The following ARHGEF28 variants were observed in gnomAD, a reference collection of about 807,000 sequenced individuals.
ARHGEF28 encodes 190 kDa guanine nucleotide exchange factor.
In ARHGEF28, 152 loss-of-function variants were observed where a neutral mutation model predicts 206.6. That is an observed-to-expected ratio of 0.74 (90% CI 0.64 to 0.84). The LOEUF (loss-of-function observed/expected upper bound fraction) is 0.84, where lower values mean the gene tolerates loss of function less well. Among genes scored for constraint, ARHGEF28 ranks in the 40% least tolerant of loss-of-function variants. ARHGEF28 has a pLI of 0.00. For synonymous variants in ARHGEF28, 763 were observed against 776.4 expected (o/e 0.98, Z 0.29); for missense variants, 2,028 against 2,073.2 (o/e 0.98, Z 0.42).
intron 1 of ARHGEF28, among the ~76,000 whole-genome samples, chr5:73,683,070 C>G (rs1226957607): frequency 6.6e-6 from 1 of 152,094 alleles, no homozygotes; most frequent in Non-Finnish European, 1.5e-5. Context: ...TCTTTATTAT[C>G]TTTGTGTAAT....
intron 1 of ARHGEF28, among the ~76,000 whole-genome samples, chr5:73,654,612 G>T (rs557380020): frequency 1.3e-5 from 2 of 152,258 alleles, no homozygotes; most frequent in African/African-American, 4.8e-5. Context: ...TAGCAGATGG[G>T]GATTAGAACT....
At chr5:73,809,394 A>G (rs1386699797) in intron 9 of ARHGEF28, among the ~76,000 whole-genome samples, 3 of 152,194 alleles carry the variant, frequency 2.0e-5, no homozygotes, top group Non-Finnish European at 4.4e-5. Flanking sequence ...TCCATTCGCT[A>G]TGAGACAACT....
At position 73,829,183 on chromosome 5, in the gene ARHGEF28, CCACAAA is replaced by C. The variant is rs201377562; in HGVS notation, c.1025-3148_1025-3143del. On this transcript the variant is annotated intron_variant, in intron 9 of 35. Transcript: ENST00000513042. ...TAGGAATAGTCCATCTTGGAGATGTCCACAAACACAAAGATGACATTGAATCATAGA... is the reference window on the plus strand; with the variant it reads ...TAGGAATAGTCCATCTTGGAGATGTCCACAAAGATGACATTGAATCATAGA... Among the ~76,000 whole-genome samples, 170 of 152,282 alleles carry C rather than the reference CCACAAA, an allele frequency of 1.1e-3. 4 individuals are homozygous for C. The East Asian group carries it at 0.029, about 26-fold the overall frequency.
intron 24 of ARHGEF28, 75 bp from the exon 25 acceptor site, chr5:73,885,775 A>G: frequency 7.2e-7 from 1 of 1,394,926 alleles, no homozygotes; most frequent in Non-Finnish European, 9.6e-7. Flanking sequence ...TTAAAACTAA[A>G]GAAGAAGTTT....
At chr5:73,807,967 A>G (rs976467266) in intron 9 of ARHGEF28, among the ~76,000 whole-genome samples, 1 of 152,040 alleles carries the variant, frequency 6.6e-6, no homozygotes, top group African/African-American at 2.4e-5. Flanking sequence ...AACTTCTTCT[A>G]GCTGGGCTTC....
chr5:73,874,312 C>G (rs1046991748), intron 22 of ARHGEF28, among the ~76,000 whole-genome samples: 29 of 152,232 alleles, frequency 1.9e-4, no homozygotes, highest in African/African-American at 6.7e-4. Flanking sequence ...TTCTCTAAAT[C>G]TGTAACTTGT....
chr5:73,701,550 A>G (rs1469835102), intron 2 of ARHGEF28, among the ~76,000 whole-genome samples: 2 of 152,178 alleles, frequency 1.3e-5, no homozygotes, highest in Non-Finnish European at 2.9e-5. Flanking sequence ...CAGAATTGCA[A>G]GTATCTTCAG....
At position 73,753,056 on chromosome 5, in the gene ARHGEF28, TCA is replaced by T. The variant is rs1561379505; in HGVS notation, c.332_333del (p.Thr111SerfsTer23). The T allele has an allele frequency of 6.2e-7, 1 of 1,610,544 alleles. No individual in the cohort carries two copies. The highest frequency in any genetic ancestry group is 2.2e-5 in the East Asian group (1 of 44,804). The stretch of plus-strand genomic sequence containing the variant: ...CTGCTGGTGACGCAGGCCAATCGCC[TCA>T]CAGCCTGCAGCCACCAGACCCTGCT... On this transcript the variant is annotated frameshift_variant, in exon 4 of 36. Transcript: ENST00000513042. LOFTEE classifies it high-confidence loss of function.
intron 18 of ARHGEF28, among the ~76,000 whole-genome samples, chr5:73,867,050 A>G (rs958674822): frequency 2.6e-5 from 4 of 152,214 alleles, no homozygotes; most frequent in African/African-American, 9.6e-5. Context: ...TGATGATGTC[A>G]GTTATAAGGG....
intron 2 of ARHGEF28, among the ~76,000 whole-genome samples, chr5:73,725,581 T>A (rs1750224408): frequency 6.6e-6 from 1 of 152,256 alleles, no homozygotes; most frequent in Non-Finnish European, 1.5e-5. Context: ...GGGACTATCA[T>A]GTTAAATAAC....
Sources: gnomAD v4.1 joint callset for allele counts (sites outside exome capture counted in the v4.1 genomes callset) on GRCh38, gnomAD v4.1.1 for gene constraint, MANE v1.5 for transcripts, NCBI Gene and HGNC (gene_info 2026-07-23, HGNC 2026-07-21) for gene names.